GASK1A: variants seen among roughly 807,000 people sequenced by gnomAD.
GASK1A encodes Golgi-associated kinase 1A.
GASK1A carries 40 observed loss-of-function variants against 41.2 expected under a neutral mutation model. The ratio of observed to expected loss-of-function variants is 0.97; its 90% CI spans 0.75 to 1.27. The LOEUF is 1.27. Ranked by LOEUF, GASK1A falls within the 50% of genes most tolerant of loss-of-function variation. The probability of loss-of-function intolerance (pLI) is 0.00; values close to 1 mark genes in which losing one functional copy is unlikely to be tolerated. For synonymous variants in GASK1A, 316 were observed against 307.1 expected, an observed-to-expected ratio of 1.03 and a Z score of -0.30; for missense variants, 678 against 745.1, an observed-to-expected ratio of 0.91 and a Z score of 1.05.
rs1445419411 is a variant in GASK1A, at chr3:43,033,024, G to A, written c.761G>A (p.Gly254Asp). ...ACGCTGTTGAGCAGCTCGAGGACTG[G>A]TGGGCAGGCTCCCCCATGGCTGACA... ...AETLLSSSRTGGQAPPWLTDH... is the reference protein window; with the variant it reads ...AETLLSSSRTDGQAPPWLTDH... Residue 254 changes from glycine to aspartate, a missense_variant, in exon 2 of 5, where the codon GGT becomes GAT. Gly to Asp is a moderately conservative substitution (Grantham distance 94). Coordinates refer to ENST00000430121, the MANE Select transcript of GASK1A (RefSeq NM_001129908.3). The A allele has an allele frequency of 4.5e-6, 7 of 1,551,766 alleles. No individual in the cohort carries two copies. The highest frequency in any genetic ancestry group is 6.1e-6 in the Non-Finnish European group (7 of 1,147,018).
chr3:43,038,364 C>G (rs1234097065), intron 2 of GASK1A, among the ~76,000 whole-genome samples: 2 of 152,152 alleles, frequency 1.3e-5, no homozygotes, highest in Non-Finnish European at 2.9e-5. Context: ...CAGTAATAGT[C>G]CTAGAAAAGA....
intron 1 of GASK1A, 96 bp downstream of exon 1, chr3:42,979,741 C>A: frequency 8.5e-7 from 1 of 1,181,376 alleles, no homozygotes; most frequent in Non-Finnish European, 1.1e-6. Flanking sequence ...GCGCGCGCAG[C>A]CTGCGCGGCC....
chr3:43,051,476 G>A lies in GASK1A; in HGVS notation c.1291-2045G>A, dbSNP rs900922317. The stretch of plus-strand genomic sequence containing the variant: ...TGTATAGTCTCAAGGTCAACCAGAG[G>A]TGAGAGCTTAGGGTATTTTCAGTTT... On this transcript the variant is annotated intron_variant, in intron 2 of 4. Coordinates refer to ENST00000430121, the MANE Select transcript of GASK1A (RefSeq NM_001129908.3). Among the ~76,000 whole-genome samples, 5 of 152,284 alleles carry A rather than the reference G, an allele frequency of 3.3e-5. No individual in the cohort carries two copies. In the East Asian group the frequency reaches 7.7e-4, roughly 24 times the overall value.
At chr3:42,995,493 C>T (rs1004404783) in intron 1 of GASK1A, among the ~76,000 whole-genome samples, 1 of 152,198 alleles carries the variant, frequency 6.6e-6, no homozygotes, top group Non-Finnish European at 1.5e-5. Context: ...TTATTTAAAA[C>T]ACTACAAGCC....
At chr3:43,005,696 A>G (rs1464641176) in intron 1 of GASK1A, among the ~76,000 whole-genome samples, 1 of 152,222 alleles carries the variant, frequency 6.6e-6, no homozygotes, top group Non-Finnish European at 1.5e-5. Context: ...TTAAGAAAAA[A>G]AAATCGTAGG....
At chr3:42,994,089 A>G (rs891961551) in intron 1 of GASK1A, among the ~76,000 whole-genome samples, 30 of 152,334 alleles carry the variant, frequency 2.0e-4, no homozygotes, top group East Asian at 7.7e-4. Context: ...TTTCCACTCA[A>G]TCAACCTGAA....
At chr3:42,983,808 C>A (rs1160652558) in intron 1 of GASK1A, among the ~76,000 whole-genome samples, 2 of 152,164 alleles carry the variant, frequency 1.3e-5, no homozygotes, top group Non-Finnish European at 2.9e-5. Context: ...CAGGGCTGGG[C>A]AGGGAGCAGA....
chr3:42,980,767 G>C (rs1211258221), intron 1 of GASK1A, among the ~76,000 whole-genome samples: 1 of 152,096 alleles, frequency 6.6e-6, no homozygotes. Flanking sequence ...CACCTATCCA[G>C]CTTCAGGTTT....
intron 1 of GASK1A, among the ~76,000 whole-genome samples, chr3:42,997,432 GAGAGA>G (rs386660546): frequency 5.1e-4 from 51 of 100,790 alleles, no homozygotes; most frequent in Middle Eastern, 5.6e-3. Flanking sequence ...GAGAGAGACA[GAGAGA>G]GGGGGGGGGG....
At chr3:43,053,897 C>A in intron 3 of GASK1A, 1 of 576,268 alleles carries the variant, frequency 1.7e-6, no homozygotes, top group South Asian at 1.7e-5. Flanking sequence ...ACTGTCTCCA[C>A]TGCCCCTAAG....
chr3:42,995,990 A>G (rs1454465746), intron 1 of GASK1A, among the ~76,000 whole-genome samples: 1 of 152,194 alleles, frequency 6.6e-6, no homozygotes, highest in Admixed American at 6.5e-5. Context: ...GTGTTCCCAC[A>G]CTGGCACTCT....
At chr3:42,997,914 G>C (rs968395122) in intron 1 of GASK1A, among the ~76,000 whole-genome samples, 7 of 152,152 alleles carry the variant, frequency 4.6e-5, no homozygotes, top group African/African-American at 1.7e-4. Context: ...GACTTCTGGG[G>C]CTCGGTCCTG....
At chr3:42,985,225 C>A (rs1036536943) in intron 1 of GASK1A, among the ~76,000 whole-genome samples, 4 of 152,072 alleles carry the variant, frequency 2.6e-5, no homozygotes, top group Non-Finnish European at 5.9e-5. Flanking sequence ...GTTATAGGGG[C>A]CTCACTCTGA....
At chr3:43,015,071 A>C (rs1444443264) in intron 1 of GASK1A, among the ~76,000 whole-genome samples, 1 of 151,732 alleles carries the variant, frequency 6.6e-6, no homozygotes, top group Non-Finnish European at 1.5e-5. Flanking sequence ...GTGTGAAGCC[A>C]CTAGGAGGGG....
intron 2 of GASK1A, among the ~76,000 whole-genome samples, chr3:43,050,724 C>T (rs2089684997): frequency 6.6e-6 from 1 of 152,072 alleles, no homozygotes; most frequent in African/African-American, 2.4e-5. Flanking sequence ...TCTTATTCCT[C>T]ATACTTGATA....
At chr3:43,028,777 G>T (rs1439436201) in intron 1 of GASK1A, among the ~76,000 whole-genome samples, 1 of 152,350 alleles carries the variant, frequency 6.6e-6, no homozygotes, top group African/African-American at 2.4e-5. Context: ...TCTAGGCTTT[G>T]TCTCCCTGCC....
chr3:42,988,461 C>T (rs982553963), intron 1 of GASK1A, among the ~76,000 whole-genome samples: 6 of 151,948 alleles, frequency 3.9e-5, no homozygotes, highest in Non-Finnish European at 5.9e-5. Context: ...GCCAAAGAAC[C>T]GGTCAAAAAC....
rs766481537 is a variant in GASK1A, at chr3:43,033,119, C to A, written c.856C>A (p.His286Asn). 7 of 1,551,012 alleles carry A rather than the reference C, an allele frequency of 4.5e-6. No homozygotes were observed. The South Asian group carries it at 7.1e-5, about 16-fold the overall frequency. The change falls in exon 2 of 5, where the codon CAT becomes AAT. Residue 286 changes from histidine to asparagine, a missense_variant. By Grantham distance (68) the His-to-Asn change is moderately conservative. Transcript: ENST00000430121. Reference protein sequence around the residue: ...EVVDKARVPAHGQVLQVGFST... With the variant: ...EVVDKARVPANGQVLQVGFST... Reference sequence around the variant, plus strand: ...GGTGGACAAAGCCAGGGTCCCCGCCCATGGGCAGGTGCTACAGGTTGGCTT... The same window carrying A: ...GGTGGACAAAGCCAGGGTCCCCGCCAATGGGCAGGTGCTACAGGTTGGCTT...
chr3:43,000,415 A>G (rs908970826), intron 1 of GASK1A, among the ~76,000 whole-genome samples: 1 of 152,254 alleles, frequency 6.6e-6, no homozygotes, highest in East Asian at 1.9e-4. Flanking sequence ...AGGAGATCGC[A>G]TAAACATCTC....
Sources: allele counts gnomAD v4.1 joint callset (sites outside exome capture counted in the v4.1 genomes callset), GRCh38; gene constraint gnomAD v4.1.1; transcripts MANE v1.5; gene names NCBI Gene and HGNC (gene_info 2026-07-23, HGNC 2026-07-21).